MICU2: variants seen among roughly 807,000 people sequenced by gnomAD.
MICU2 encodes the protein mitochondrial calcium uptake 2.
MICU2 carries 64 observed loss-of-function variants against 60.4 expected under a neutral mutation model. The observed-to-expected ratio is 1.06, with a 90% confidence interval of 0.87 to 1.31. The LOEUF is 1.31. Ranked by LOEUF, MICU2 falls within the 50% of genes most tolerant of loss-of-function variation. MICU2 has a pLI of 0.00. For synonymous variants in MICU2, 201 were observed against 175.0 expected, an observed-to-expected ratio of 1.15 and a Z score of -1.17; for missense variants, 569 against 531.0, an observed-to-expected ratio of 1.07 and a Z score of -0.70.
At chr13:21,533,630 T>C (rs1246307581) in intron 4 of MICU2, among the ~76,000 whole-genome samples, 1 of 151,986 alleles carries the variant, frequency 6.6e-6, no homozygotes, top group Admixed American at 6.6e-5. Flanking sequence ...GACAAGGCAG[T>C]GCAATTTTTA....
At chr13:21,523,514 T>A (rs1230794156) in intron 4 of MICU2, among the ~76,000 whole-genome samples, 1 of 152,266 alleles carries the variant, frequency 6.6e-6, no homozygotes, top group Non-Finnish European at 1.5e-5. Context: ...AGTAATTAGT[T>A]CTTTGTAGCA....
intron 8 of MICU2, among the ~76,000 whole-genome samples, chr13:21,508,979 C>A (rs1286065849): frequency 6.6e-6 from 1 of 152,198 alleles, no homozygotes; most frequent in Non-Finnish European, 1.5e-5. Flanking sequence ...GTTTCCAGTA[C>A]TATCCCTAGT....
intron 1 of MICU2, among the ~76,000 whole-genome samples, chr13:21,586,447 G>A (rs575111100): frequency 1.4e-4 from 22 of 152,152 alleles, no homozygotes; most frequent in East Asian, 3.9e-4. Flanking sequence ...TTGGTCTGCC[G>A]TCTAGGCTAG....
At chr13:21,498,217 TAA>T (rs1192220485) in intron 9 of MICU2, among the ~76,000 whole-genome samples, 1 of 152,132 alleles carries the variant, frequency 6.6e-6, no homozygotes, top group African/African-American at 2.4e-5. Context: ...AATATTTCAA[TAA>T]AGTTTTTGAA....
chr13:21,601,417 G>A (rs1005363810), intron 1 of MICU2, among the ~76,000 whole-genome samples: 2 of 152,108 alleles, frequency 1.3e-5, no homozygotes, highest in African/African-American at 2.4e-5. Context: ...CCACTGTCTC[G>A]GTCCAATAGC....
At chr13:21,524,363 T>C (rs1203952427) in intron 4 of MICU2, among the ~76,000 whole-genome samples, 1 of 152,044 alleles carries the variant, frequency 6.6e-6, no homozygotes, top group Non-Finnish European at 1.5e-5. Flanking sequence ...TGGATTATTT[T>C]GAAACAAAAC....
At chr13:21,601,715 T>A (rs1888819489) in intron 1 of MICU2, among the ~76,000 whole-genome samples, 1 of 152,046 alleles carries the variant, frequency 6.6e-6, no homozygotes, top group Non-Finnish European at 1.5e-5. Flanking sequence ...TTAAGTCTTG[T>A]TCTAGGGATA....
chr13:21,497,922 T>C (rs1016295329), intron 9 of MICU2, among the ~76,000 whole-genome samples: 8 of 152,258 alleles, frequency 5.3e-5, no homozygotes, highest in Non-Finnish European at 8.8e-5. Flanking sequence ...CTAATGTTTT[T>C]ATTTCTGTTT....
chr13:21,525,413 G>A (rs993275902), intron 4 of MICU2, among the ~76,000 whole-genome samples: 1 of 151,566 alleles, frequency 6.6e-6, no homozygotes, highest in African/African-American at 2.4e-5. Flanking sequence ...GGATGATCTC[G>A]ATCTCCTGAC....
At chr13:21,602,886 G>A (rs1374361452) in intron 1 of MICU2, 1 of 151,522 alleles carries the variant, frequency 6.6e-6, no homozygotes. Flanking sequence ...AACTTACTAA[G>A]TCTACAAAAA....
At chr13:21,532,460 C>G (rs1379952347) in intron 4 of MICU2, among the ~76,000 whole-genome samples, 1 of 152,178 alleles carries the variant, frequency 6.6e-6, no homozygotes, top group Non-Finnish European at 1.5e-5. Context: ...TCATTCATAT[C>G]TTCATTATCT....
chr13:21,530,648 T>C (rs886765501), intron 4 of MICU2: 6 of 311,294 alleles, frequency 1.9e-5, no homozygotes, highest in Non-Finnish European at 3.0e-5. Flanking sequence ...TCTCTCTCTC[T>C]GAAAGTTAAA....
intron 4 of MICU2, among the ~76,000 whole-genome samples, chr13:21,538,308 G>T (rs1219042097): frequency 6.6e-6 from 1 of 151,860 alleles, no homozygotes; most frequent in Non-Finnish European, 1.5e-5. Flanking sequence ...GGTGGCTCAT[G>T]CCTGTAATCC....
intron 4 of MICU2, among the ~76,000 whole-genome samples, chr13:21,538,861 T>C (rs557956541): frequency 5.5e-4 from 83 of 152,286 alleles, no homozygotes; most frequent in African/African-American, 1.8e-3. Context: ...CTGCTAAATA[T>C]AGAGGATACT....
chr13:21,601,378 T>C lies in MICU2; in HGVS notation c.210+2561A>G, dbSNP rs527615205. Among the ~76,000 whole-genome samples, 8 of 152,308 alleles carry C rather than the reference T, an allele frequency of 5.3e-5. No individual in the cohort carries two copies. The South Asian group carries it at 1.2e-3, about 24-fold the overall frequency. ...ATTCAGCCACTGATGCTGAAAGGAA[T>C]GTCCACCGTGGTGGCAAAAGGATGA... On this transcript the variant is annotated intron_variant, in intron 1 of 11. Transcript: ENST00000382374.
chr13:21,589,571 T>G (rs1055696061), intron 1 of MICU2, among the ~76,000 whole-genome samples: 1 of 152,218 alleles, frequency 6.6e-6, no homozygotes, highest in Non-Finnish European at 1.5e-5. Context: ...TATGTTCAAT[T>G]CTTTGCCTTC....
At chr13:21,571,548 A>G (rs1048135660) in intron 1 of MICU2, among the ~76,000 whole-genome samples, 4 of 152,160 alleles carry the variant, frequency 2.6e-5, no homozygotes, top group African/African-American at 9.7e-5. Context: ...ATACAAAAAA[A>G]TTAGCCAGGC....
At chr13:21,587,234 C>T (rs1441066024) in intron 1 of MICU2, among the ~76,000 whole-genome samples, 1 of 151,818 alleles carries the variant, frequency 6.6e-6, no homozygotes, top group Non-Finnish European at 1.5e-5. Context: ...TCCATGAGTC[C>T]GTAGATATAA....
chr13:21,495,086 A>G (rs1425212530), intron 11 of MICU2, 75 bp downstream of exon 11: 1 of 1,204,256 alleles, frequency 8.3e-7, no homozygotes, highest in Non-Finnish European at 1.1e-6. Context: ...TAAAGACTGT[A>G]CAATTGCCCA....
Sources: gnomAD v4.1 joint callset for allele counts (sites outside exome capture counted in the v4.1 genomes callset) on GRCh38, gnomAD v4.1.1 for gene constraint, MANE v1.5 for transcripts, NCBI Gene and HGNC (gene_info 2026-07-23, HGNC 2026-07-21) for gene names.